The following G3BP2 variants were observed in gnomAD, a reference collection of about 807,000 sequenced individuals.
G3BP2 encodes the protein G3BP stress granule assembly factor 2, also known as ras GTPase-activating protein-binding protein 2.
G3BP2 carries 11 observed loss-of-function variants against 56.7 expected under a neutral mutation model. The ratio of observed to expected loss-of-function variants is 0.19; its 90% CI spans 0.12 to 0.32. G3BP2 has a LOEUF of 0.32. Among genes scored for constraint, G3BP2 ranks in the 10% least tolerant of loss-of-function variants. G3BP2 has a pLI of 1.00. For synonymous variants in G3BP2, 165 were observed against 191.6 expected (o/e 0.86, Z 1.15); for missense variants, 340 against 610.9 (o/e 0.56, Z 4.67).
At chr4:75,661,332 T>C (rs1163107400) in intron 2 of G3BP2, among the ~76,000 whole-genome samples, 2 of 152,140 alleles carry the variant, frequency 1.3e-5, no homozygotes, top group Non-Finnish European at 2.9e-5. Flanking sequence ...TTCACCATGT[T>C]GGCCAGGCTG....
At position 75,645,472 on chromosome 4, in the gene G3BP2, T is replaced by C; in HGVS notation, c.1407A>G (p.Gly469=). The change falls in exon 12 of 12, where the codon GGA becomes GGG. Residue 469 remains glycine, a synonymous_variant. Transcript: ENST00000359707. ...TGAAGCGGCCCTCCATTTGCCCGGTTCCTCTTCCAGAGCCAAGTTTCTGTG... is the reference window on the plus strand; with the variant it reads ...TGAAGCGGCCCTCCATTTGCCCGGTCCCTCTTCCAGAGCCAAGTTTCTGTG... The part of the protein sequence containing the change: ...GMAQKLGSGR[G]TGQMEGRFTG... 6.2e-7 allele frequency: 1 copy of C among 1,614,164 alleles called. No individual in the cohort carries two copies. The highest frequency in any genetic ancestry group is 2.2e-5 in the East Asian group (1 of 44,876).
At chr4:75,723,457 A>C (rs1720261120) in intron 1 of G3BP2, among the ~76,000 whole-genome samples, 1 of 152,222 alleles carries the variant, frequency 6.6e-6, no homozygotes, top group African/African-American at 2.4e-5. Flanking sequence ...AGAAGAACAT[A>C]ATCTATGTCA....
At chr4:75,713,423 A>G (rs903993216) in intron 3 of G3BP2, among the ~76,000 whole-genome samples, 2 of 152,208 alleles carry the variant, frequency 1.3e-5, no homozygotes, top group African/African-American at 4.8e-5. Context: ...ACTAATTACA[A>G]GGGGAAAAAA....
At chr4:75,679,996 T>G (rs557176435) in intron 3 of G3BP2, among the ~76,000 whole-genome samples, 13 of 152,344 alleles carry the variant, frequency 8.5e-5, no homozygotes, top group African/African-American at 3.1e-4. Context: ...CTGTCCAAGA[T>G]AGACTATATT....
chr4:75,706,808 T>A (rs952716026), intron 3 of G3BP2, among the ~76,000 whole-genome samples: 2 of 152,040 alleles, frequency 1.3e-5, no homozygotes, highest in African/African-American at 4.8e-5. Context: ...TGACCACCAC[T>A]AAAGGTCTAT....
chr4:75,681,761 A>G (rs550450229), intron 3 of G3BP2, among the ~76,000 whole-genome samples: 3 of 151,208 alleles, frequency 2.0e-5, no homozygotes, highest in Non-Finnish European at 4.4e-5. Flanking sequence ...AGGCAGGAGA[A>G]TGGCTTGAAC....
intron 3 of G3BP2, among the ~76,000 whole-genome samples, chr4:75,681,464 T>C (rs533940862): frequency 2.0e-5 from 3 of 152,254 alleles, no homozygotes; most frequent in Admixed American, 1.3e-4. Flanking sequence ...AAACCCTATA[T>C]ATACTATGTT....
At chr4:75,693,783 G>C (rs376376169) in intron 3 of G3BP2, among the ~76,000 whole-genome samples, 1 of 124,438 alleles carries the variant, frequency 8.0e-6, no homozygotes, top group African/African-American at 3.0e-5. Flanking sequence ...GCAAGACTCC[G>C]TCTAAAAAAA....
intron 9 of G3BP2, among the ~76,000 whole-genome samples, chr4:75,647,709 A>T (rs546125657): frequency 5.1e-4 from 78 of 152,324 alleles, no homozygotes; most frequent in Middle Eastern, 3.4e-3. Flanking sequence ...TAATTTGTGT[A>T]ATATTTGACA....
intron 1 of G3BP2, among the ~76,000 whole-genome samples, chr4:75,665,584 T>C (rs762410903): frequency 1.3e-5 from 2 of 151,334 alleles, no homozygotes; most frequent in Non-Finnish European, 2.9e-5. Flanking sequence ...CATCTAAAAT[T>C]AGCCAGACAT....
rs531534834 is a variant in G3BP2 at position 75,708,033 on chromosome 4, GTTAC to G, written c.-25+12840_-25+12843del. Among the ~76,000 whole-genome samples, 11 of 152,262 alleles carry G rather than the reference GTTAC, an allele frequency of 7.2e-5. No homozygotes were observed. In the East Asian group the frequency reaches 1.5e-3, roughly 21 times the overall value. On this transcript the variant is annotated intron_variant, in intron 3 of 3. Coordinates refer to the G3BP2 transcript ENST00000499709. ...AACCAACTATGTGCATCGACAAAGT[GTTAC>G]TTACTGTGCTGTGTGCTGAAATGGT...
intron 1 of G3BP2, among the ~76,000 whole-genome samples, chr4:75,665,508 C>T (rs567822830): frequency 9.2e-5 from 14 of 152,102 alleles, no homozygotes; most frequent in East Asian, 7.8e-4. Flanking sequence ...CACTTTGGGA[C>T]GTCGAAGTGG....
chr4:75,690,745 G>C (rs1257011758), intron 3 of G3BP2, among the ~76,000 whole-genome samples: 1 of 152,066 alleles, frequency 6.6e-6, no homozygotes, highest in East Asian at 1.9e-4. Context: ...CAAATTTTTT[G>C]TAGAGACAGG....
At chr4:75,659,337 G>C (rs916709843) in intron 2 of G3BP2, among the ~76,000 whole-genome samples, 2 of 152,140 alleles carry the variant, frequency 1.3e-5, no homozygotes, top group Admixed American at 6.5e-5. Flanking sequence ...TTGGGAATCA[G>C]AGTTTAATAC....
At chr4:75,697,273 C>CAAAAAAAA (rs869037819) in intron 3 of G3BP2, among the ~76,000 whole-genome samples, 5,521 of 28,304 alleles carry the variant, frequency 0.2, 1,109 homozygotes, top group East Asian at 0.56. Context: ...GACTCTGTCT[C>CAAAAAAAA]AAAAAAAAAA....
chr4:75,673,181 A>T (rs1733645736), intron 1 of G3BP2, 27 bp downstream of exon 1: 1 of 1,187,462 alleles, frequency 8.4e-7, no homozygotes, highest in African/African-American at 1.6e-5. Context: ...CACCACACCG[A>T]CCTCCCCTCC....
chr4:75,682,414 CAAAAAAA>C (rs34067467), intron 3 of G3BP2, among the ~76,000 whole-genome samples: 5 of 100,268 alleles, frequency 5.0e-5, no homozygotes, highest in East Asian at 4.0e-4. Context: ...GACTCCGTCT[CAAAAAAA>C]AAAAAAAAAA....
chr4:75,705,336 A>T (rs1023604458), intron 3 of G3BP2, among the ~76,000 whole-genome samples: 1 of 152,244 alleles, frequency 6.6e-6, no homozygotes, highest in Non-Finnish European at 1.5e-5. Flanking sequence ...CACACAGAGA[A>T]ACAAGAGGTG....
At chr4:75,670,594 T>C (rs1336497027) in intron 1 of G3BP2, among the ~76,000 whole-genome samples, 1 of 152,224 alleles carries the variant, frequency 6.6e-6, no homozygotes, top group Non-Finnish European at 1.5e-5. Flanking sequence ...GAAATGGAAA[T>C]GCTTGCTGTC....
Sources: gnomAD v4.1 joint callset for allele counts (sites outside exome capture counted in the v4.1 genomes callset) on GRCh38, gnomAD v4.1.1 for gene constraint, MANE v1.5 for transcripts, NCBI Gene and HGNC (gene_info 2026-07-23, HGNC 2026-07-21) for gene names.